The following SNX13 variants were observed in gnomAD, a reference collection of about 807,000 sequenced individuals.
SNX13 encodes sorting nexin-13.
SNX13 carries 45 observed loss-of-function variants against 133.6 expected under a neutral mutation model. The observed-to-expected ratio is 0.34, with a 90% CI of 0.27 to 0.43. The LOEUF is 0.43. Ranked by LOEUF, SNX13 falls within the 20% of genes least tolerant of loss-of-function variation. The pLI is 1.00. For synonymous variants in SNX13, 414 were observed against 373.9 expected (o/e 1.11, Z -1.24); for missense variants, 1,032 against 1,145.1 (o/e 0.90, Z 1.43).
chr7:17,805,637 T>A (rs1296293449), intron 20 of SNX13, among the ~76,000 whole-genome samples: 1 of 152,200 alleles, frequency 6.6e-6, no homozygotes, highest in East Asian at 1.9e-4. Flanking sequence ...CATCTTACAC[T>A]TCACAGCAGA....
chr7:17,797,106 T>A (rs1230715323), intron 24 of SNX13, among the ~76,000 whole-genome samples, 167 bp from the exon 25 acceptor site: 1 of 151,820 alleles, frequency 6.6e-6, no homozygotes, highest in African/African-American at 2.4e-5. Context: ...CAACTAAGTG[T>A]AGGGTTCAAT....
intron 11 of SNX13, among the ~76,000 whole-genome samples, chr7:17,846,137 G>A (rs1441598830): frequency 6.6e-6 from 1 of 151,562 alleles, no homozygotes; most frequent in East Asian, 1.9e-4. Context: ...TCCTAACTCA[G>A]TAAAATCTCT....
intron 9 of SNX13, among the ~76,000 whole-genome samples, chr7:17,862,151 A>G (rs897350038): frequency 6.6e-6 from 1 of 152,250 alleles, no homozygotes. Flanking sequence ...ACACTAAAAA[A>G]TATCTGTATA....
rs747289730 is a variant in SNX13 at position 17,893,283 on chromosome 7, A to G, written c.228+49T>C. On this transcript the variant is annotated intron_variant, in intron 3 of 25. Coordinates refer to ENST00000428135, the MANE Select transcript of SNX13 (RefSeq NM_015132.5). ...ATATACAGATGATTACTCTATTATC[A>G]TTGCAAAGAACTGGACTTTGAGGTT... 4 of 1,259,326 alleles carry G rather than the reference A, an allele frequency of 3.2e-6. No homozygotes were observed. The South Asian group carries it at 4.0e-5, about 12-fold the overall frequency. 78.0% of individuals were successfully genotyped at this position (1,259,326 alleles called of 1,614,324 possible). A position where few individuals can be genotyped will look rare whatever the true frequency, so the allele number is the denominator to read the frequency against.
chr7:17,794,214 T>C lies in SNX13; in HGVS notation c.2705A>G (p.Gln902Arg). The change falls in exon 26 of 26, where the codon CAA becomes CGA. Residue 902 changes from glutamine to arginine, a missense_variant. Coordinates refer to ENST00000428135, the MANE Select transcript of SNX13 (RefSeq NM_015132.5). Reference protein sequence around the residue: ...LRVFEMFQHNQLNRRMVYVFL... With the variant: ...LRVFEMFQHNRLNRRMVYVFL... The stretch of plus-strand genomic sequence containing the variant: ...GACATAAACCATTCTCCTATTTAAT[T>C]GGTTGTGCTGAAACATTTCAAAAAC... 1 of 1,611,744 alleles carries C rather than the reference T, an allele frequency of 6.2e-7. No homozygotes were observed. The highest frequency in any genetic ancestry group is 8.5e-7 in the Non-Finnish European group (1 of 1,178,564).
At chr7:17,915,815 A>G (rs144434877) in intron 1 of SNX13, among the ~76,000 whole-genome samples, 2,036 of 152,340 alleles carry the variant, frequency 0.013, 24 homozygotes, top group Non-Finnish European at 0.021. Flanking sequence ...CCTAAGAGAC[A>G]TCTACAGGAC....
chr7:17,924,469 T>A (rs1360923340), intron 1 of SNX13, among the ~76,000 whole-genome samples: 1 of 152,206 alleles, frequency 6.6e-6, no homozygotes, highest in African/African-American at 2.4e-5. Context: ...TGTAATCAAG[T>A]GTTCTGGAGG....
intron 15 of SNX13, chr7:17,832,183 A>T (rs200294945): frequency 1.5e-4 from 149 of 984,320 alleles, no homozygotes; most frequent in East Asian, 1.4e-3. Flanking sequence ...CCAAAAAAAA[A>T]TTTTTTAATG....
Position 17,834,884 on chromosome 7 carries a change from A to C in SNX13, c.1360-19T>G. ...GAGATGCCTAACAGAGAAAAATAAT[A>C]GTAATGATCTCTGTAATTTCTTAAT... is the stretch of plus-strand genomic sequence containing the variant. On this transcript the variant is annotated intron_variant, in intron 13 of 25. Transcript: ENST00000428135. The C allele has an allele frequency of 7.2e-7, 1 of 1,383,678 alleles. No homozygotes were observed. Among genetic ancestry groups the C allele is most frequent in the Non-Finnish European group, 1.0e-6 (1 of 979,082 alleles). The allele number at this position is 1,383,678 out of a possible 1,614,324, so 85.7% of individuals were successfully genotyped here.
Position 17,890,470 on chromosome 7 carries a change from G to A in SNX13, c.333C>T (p.Ser111=), listed in dbSNP as rs748357021. The change falls in exon 5 of 26, where the codon TCC becomes TCT. Residue 111 remains serine (S), a synonymous_variant. Transcript: ENST00000428135. ...DEPLQQVIQF[S]LRDYVQYWYY... ...ACCAATACTGGACATAATCCCTCAA[G>A]GAAAACTGGATAACCTATAACAAAA... 33 of 1,563,226 alleles carry A rather than the reference G, an allele frequency of 2.1e-5. No individual in the cohort carries two copies. The highest frequency in any genetic ancestry group is 4.9e-5 in the South Asian group (4 of 81,766).
intron 2 of SNX13, among the ~76,000 whole-genome samples, chr7:17,895,039 G>A (rs967185614): frequency 3.3e-5 from 5 of 152,070 alleles, no homozygotes; most frequent in Admixed American, 1.3e-4. Flanking sequence ...GATTCAAGTT[G>A]GCCCTCTATT....
At chr7:17,831,693 A>G in intron 15 of SNX13, 2 of 984,036 alleles carry the variant, frequency 2.0e-6, no homozygotes, top group Non-Finnish European at 2.4e-6. Flanking sequence ...TTATTTCAGA[A>G]TGTCTAAAAG....
At chr7:17,940,146 G>C (rs1201817311) in intron 1 of SNX13, 138 bp downstream of exon 1, 1 of 1,147,796 alleles carries the variant, frequency 8.7e-7, no homozygotes, top group Non-Finnish European at 1.3e-6. Flanking sequence ...GCACTTGTAG[G>C]ATCCCCGCTG....
intron 24 of SNX13, among the ~76,000 whole-genome samples, chr7:17,797,589 A>G (rs1046259522): frequency 3.3e-5 from 5 of 151,824 alleles, no homozygotes; most frequent in African/African-American, 1.2e-4. Flanking sequence ...TTAACTTTAC[A>G]CATTAGAAGC....
intron 5 of SNX13, chr7:17,889,594 G>A (rs896666440): frequency 6.6e-6 from 1 of 151,706 alleles, no homozygotes; most frequent in Admixed American, 6.6e-5. Flanking sequence ...ACATAACGTT[G>A]CCCATTAAAA....
intron 8 of SNX13, among the ~76,000 whole-genome samples, chr7:17,869,855 A>G (rs1311692139): frequency 6.8e-6 from 1 of 146,158 alleles, no homozygotes; most frequent in African/African-American, 2.6e-5. Context: ...CTTTGTTAGG[A>G]GAAAATTTAC....
At chr7:17,887,450 A>T (rs1378474494) in intron 5 of SNX13, among the ~76,000 whole-genome samples, 3 of 152,172 alleles carry the variant, frequency 2.0e-5, no homozygotes, top group African/African-American at 7.2e-5. Context: ...GTGCTGGAGG[A>T]AAGTTTCCTT....
intron 9 of SNX13, among the ~76,000 whole-genome samples, chr7:17,851,978 C>T (rs1015948301): frequency 1.3e-5 from 2 of 151,994 alleles, no homozygotes; most frequent in African/African-American, 4.8e-5. Context: ...AGGACAGATA[C>T]TCAGAAGATT....
chr7:17,858,734 T>G (rs775568830), intron 9 of SNX13, among the ~76,000 whole-genome samples: 2 of 152,116 alleles, frequency 1.3e-5, no homozygotes, highest in Non-Finnish European at 2.9e-5. Flanking sequence ...AAAGCTAAAG[T>G]AATCAGAAAG....
Sources: gnomAD v4.1 joint callset for allele counts (sites outside exome capture counted in the v4.1 genomes callset) on GRCh38, gnomAD v4.1.1 for gene constraint, MANE v1.5 for transcripts, NCBI Gene and HGNC (gene_info 2026-07-23, HGNC 2026-07-21) for gene names.